Variants in KAZN observed in about 807,000 individuals in gnomAD.
The protein encoded by KAZN is kazrin.
A neutral mutation model predicts 87.4 loss-of-function variants in KAZN; 40 were observed. The ratio of observed to expected loss-of-function variants is 0.46; its 90% confidence interval spans 0.36 to 0.60. The LOEUF is 0.60. KAZN is among the 20% of genes least tolerant of loss of function. The pLI, the probability that KAZN is intolerant of heterozygous loss-of-function variation, is 0.00. For missense variants in KAZN, 898 were observed against 1,073.9 expected (o/e 0.84, Z 2.29); for synonymous variants, 466 against 458.3 (o/e 1.02, Z -0.22).
At chr1:14,293,881 T>C (rs1257841473) in intron 2 of KAZN, among the ~76,000 whole-genome samples, 1 of 152,116 alleles carries the variant, frequency 6.6e-6, no homozygotes, top group Non-Finnish European at 1.5e-5. Flanking sequence ...GGGCTGAAGA[T>C]AGCAAGTCCA....
chr1:14,991,078 C>T (rs371399822), intron 2 of KAZN, among the ~76,000 whole-genome samples: 3 of 151,728 alleles, frequency 2.0e-5, no homozygotes, highest in South Asian at 2.1e-4. Context: ...CTTGGCCGGG[C>T]GCAGAGGCTC....
intron 1 of KAZN, among the ~76,000 whole-genome samples, chr1:14,656,380 A>T (rs1638792980): frequency 1.3e-5 from 2 of 152,166 alleles, no homozygotes; most frequent in Non-Finnish European, 2.9e-5. Flanking sequence ...CCTAGCTCAG[A>T]GGAGGATGCT....
At chr1:15,110,569 A>G (rs1168362262) in intron 13 of KAZN, among the ~76,000 whole-genome samples, 4 of 35,590 alleles carry the variant, frequency 1.1e-4, no homozygotes, top group Admixed American at 5.4e-4. Flanking sequence ...GTGTGTGTGT[A>G]TCCTCTCATT....
intron 1 of KAZN, among the ~76,000 whole-genome samples, chr1:14,689,111 C>T (rs1422289048): frequency 1.3e-5 from 2 of 152,136 alleles, no homozygotes; most frequent in East Asian, 3.9e-4. Flanking sequence ...ACGAGAATCC[C>T]TTGAACCTGA....
chr1:14,529,581 C>A (rs1322282867), intron 2 of KAZN, among the ~76,000 whole-genome samples: 1 of 152,018 alleles, frequency 6.6e-6, no homozygotes, highest in East Asian at 1.9e-4. Flanking sequence ...TTTCTTGAAG[C>A]CAGTGTGGAG....
At chr1:14,882,400 C>A (rs141268211) in intron 1 of KAZN, among the ~76,000 whole-genome samples, 170 of 152,312 alleles carry the variant, frequency 1.1e-3, no homozygotes, top group African/African-American at 3.0e-3. Flanking sequence ...AGCTTCTCAC[C>A]TGGGGCAAGT....
At chr1:14,531,113 G>T (rs556028550) in intron 2 of KAZN, among the ~76,000 whole-genome samples, 1 of 152,076 alleles carries the variant, frequency 6.6e-6, no homozygotes, top group Non-Finnish European at 1.5e-5. Flanking sequence ...CCAGCCTCAG[G>T]TATTTCTTTA....
rs181100669 is a variant in KAZN at position 14,943,740 on chromosome 1, G to A, written c.227-16944G>A. 5.3e-5 allele frequency among the ~76,000 whole-genome samples: 8 copies of A among 152,338 alleles called. No homozygotes were observed. The East Asian group carries it at 9.7e-4, about 18-fold the overall frequency. The stretch of plus-strand genomic sequence containing the variant: ...GAGATGTGTTTCTAGCTGCTTAGAC[G>A]GCATCGCCTCTCAGGCGAGGTGCTC... On this transcript the variant is annotated intron_variant, in intron 1 of 14. Coordinates refer to ENST00000376030, the MANE Select transcript of KAZN (RefSeq NM_201628.3).
chr1:14,570,700 C>A (rs995408828), intron 2 of KAZN, among the ~76,000 whole-genome samples: 5 of 152,116 alleles, frequency 3.3e-5, no homozygotes, highest in Non-Finnish European at 5.9e-5. Context: ...TATTCATCGA[C>A]GAGTGTTTGT....
rs1358373842 is a variant in KAZN, at chr1:14,107,045, T to TCC, written c.92-73390_92-73389insCC. On this transcript the variant is annotated intron_variant, in intron 1 of 16. Coordinates refer to the KAZN transcript ENST00000636203. ...TCTCTCCCTCCCTCCCTCCCTTCCT[T>TCC]TCTTCCTTCCTTCCTTCCTTCCTTC... Among the ~76,000 whole-genome samples, 13 of 111,532 alleles carry TCC rather than the reference T, an allele frequency of 1.2e-4. 1 individual carries two copies. The highest frequency in any genetic ancestry group is 7.5e-4 in the South Asian group (2 of 2,680). 73.2% of individuals were successfully genotyped at this position (111,532 alleles called of 152,430 possible). A position where few individuals can be genotyped will look rare whatever the true frequency, so the allele number is the denominator to read the frequency against.
At chr1:14,168,807 C>T (rs968182888) in intron 1 of KAZN, among the ~76,000 whole-genome samples, 1 of 152,086 alleles carries the variant, frequency 6.6e-6, no homozygotes, top group African/African-American at 2.4e-5. Context: ...GTTTCCTCAA[C>T]AGAAGGACAG....
chr1:14,547,046 C>G (rs1035252922), intron 2 of KAZN, among the ~76,000 whole-genome samples: 1 of 152,184 alleles, frequency 6.6e-6, no homozygotes, highest in Non-Finnish European at 1.5e-5. Flanking sequence ...AACTCTATGG[C>G]TCCCAGTCAG....
At chr1:14,209,041 T>C (rs554175687) in intron 2 of KAZN, among the ~76,000 whole-genome samples, 2 of 152,322 alleles carry the variant, frequency 1.3e-5, no homozygotes, top group Admixed American at 1.3e-4. Flanking sequence ...AACTGAATGC[T>C]TGTACATTAT....
intron 2 of KAZN, among the ~76,000 whole-genome samples, chr1:14,244,356 C>T (rs780991685): frequency 2.0e-5 from 3 of 152,222 alleles, no homozygotes; most frequent in Admixed American, 6.5e-5. Flanking sequence ...CTGGCTCATA[C>T]GAACTCTCTA....
chr1:14,832,781 T>C (rs1458800967), intron 1 of KAZN, among the ~76,000 whole-genome samples: 2 of 152,190 alleles, frequency 1.3e-5, no homozygotes, highest in African/African-American at 2.4e-5. Context: ...CTAAGAATGC[T>C]ATTCACACAT....
At chr1:13,942,186 G>C (rs1640952382) in intron 1 of KAZN, among the ~76,000 whole-genome samples, 1 of 152,052 alleles carries the variant, frequency 6.6e-6, no homozygotes, top group South Asian at 2.1e-4. Context: ...TTCTCAACCG[G>C]ATTGAGGTGA....
rs185561225 is a variant in KAZN, at chr1:15,001,152, G to A, written c.419-33597G>A. Among the ~76,000 whole-genome samples, 235 of 151,836 alleles carry A rather than the reference G, an allele frequency of 1.5e-3. 1 individual carries two copies. The highest frequency in any genetic ancestry group is 5.4e-3 in the African/African-American group (224 of 41,410). On this transcript the variant is annotated intron_variant, in intron 2 of 14. Transcript: ENST00000376030. Reference sequence around the variant, plus strand: ...TTCCCCAAACCCAGCAAAGGTGGTGGTGCATTGCAGGTAAAGTTCTGCAAC... The same window carrying A: ...TTCCCCAAACCCAGCAAAGGTGGTGATGCATTGCAGGTAAAGTTCTGCAAC...
chr1:14,783,414 G>A (rs536352345), intron 1 of KAZN, among the ~76,000 whole-genome samples: 13 of 152,152 alleles, frequency 8.5e-5, no homozygotes, highest in Admixed American at 5.2e-4. Flanking sequence ...CCTTCACGGT[G>A]ACCCCGAGAA....
intron 1 of KAZN, among the ~76,000 whole-genome samples, chr1:14,066,227 C>T (rs1474176360): frequency 6.6e-6 from 1 of 152,158 alleles, no homozygotes; most frequent in Non-Finnish European, 1.5e-5. Flanking sequence ...AGTTTGTGGG[C>T]CCTTAGGTTG....
Sources: gnomAD v4.1 joint callset for allele counts (sites outside exome capture counted in the v4.1 genomes callset) on GRCh38, gnomAD v4.1.1 for gene constraint, MANE v1.5 for transcripts, NCBI Gene and HGNC (gene_info 2026-07-23, HGNC 2026-07-21) for gene names.